Variants in GMEB1 observed in about 807,000 individuals in gnomAD.
GMEB1 encodes the protein glucocorticoid modulatory element-binding protein 1.
Under a neutral mutation model 52.4 loss-of-function variants are expected in GMEB1, and 6 were observed. The observed-to-expected ratio is 0.11, with a 90% confidence interval of 0.06 to 0.23. The LOEUF (loss-of-function observed/expected upper bound fraction) is 0.23, where lower values mean the gene tolerates loss of function less well. Ranked by LOEUF, GMEB1 falls within the 10% of genes least tolerant of loss-of-function variation. The pLI, the probability that GMEB1 is intolerant of heterozygous loss-of-function variation, is 1.00. For synonymous variants in GMEB1, 255 were observed against 244.9 expected, an observed-to-expected ratio of 1.04 and a Z score of -0.38; for missense variants, 486 against 685.6, an observed-to-expected ratio of 0.71 and a Z score of 3.25.
rs35942724 is a variant in GMEB1 at position 28,714,867 on chromosome 1, C to CT, written c.*100dup. The CT allele has an allele frequency of 5.2e-5, 41 of 795,942 alleles. No individual in the cohort carries two copies. The highest frequency in any genetic ancestry group is 1.9e-4 in the East Asian group (7 of 36,758). The allele number at this position is 795,942 out of a possible 1,614,324, so 49.3% of individuals were successfully genotyped here. A position where few individuals can be genotyped will look rare whatever the true frequency, so the allele number is the denominator to read the frequency against. ...GTCCCACTCATTTCCACATAGGACC[C>CT]TTTTTTAAAAAAAAAAAAACAAAAT... On this transcript the variant is annotated 3_prime_UTR_variant, in exon 10 of 10. Transcript: ENST00000373816.
chr1:28,672,565 A>T (rs543366237), intron 1 of GMEB1, among the ~76,000 whole-genome samples: 28 of 151,514 alleles, frequency 1.8e-4, no homozygotes, highest in Middle Eastern at 3.4e-3. Context: ...TATTATTATT[A>T]TTTTTTGTTA....
chr1:28,697,152 C>G, intron 6 of GMEB1, 68 bp downstream of exon 6: 1 of 405,858 alleles, frequency 2.5e-6, no homozygotes, highest in Non-Finnish European at 4.2e-6. Context: ...TTATTTCTCC[C>G]TTGTGTGTAC....
At chr1:28,690,324 A>T in intron 3 of GMEB1, 138 bp downstream of exon 3, 1 of 506,640 alleles carries the variant, frequency 2.0e-6, no homozygotes, top group Non-Finnish European at 3.5e-6. Flanking sequence ...CCAGTACTAC[A>T]GCCCTCGATT....
chr1:28,696,818 C>T (rs1670229175), intron 5 of GMEB1, 109 bp from the exon 6 acceptor site: 1 of 781,918 alleles, frequency 1.3e-6, no homozygotes, highest in Non-Finnish European at 2.0e-6. Flanking sequence ...TTAGGTTTCA[C>T]TAATCTACAC....
At chr1:28,693,686 C>T (rs538546878) in intron 5 of GMEB1, among the ~76,000 whole-genome samples, 6 of 152,032 alleles carry the variant, frequency 3.9e-5, no homozygotes, top group African/African-American at 9.7e-5. Context: ...CTCCTGACCT[C>T]GTGATCCACC....
At position 28,697,162 on chromosome 1, in the gene GMEB1, CAT is replaced by C. The variant is rs71586855; in HGVS notation, c.598+115_598+116del. The C allele has an allele frequency of 9.3e-3, 1,383 of 148,948 alleles. 11 individuals are homozygous for C. Among genetic ancestry groups the C allele is most frequent in the Non-Finnish European group, 0.012 (1,051 of 84,498 alleles). The allele number at this position is 148,948 out of a possible 1,614,324, so 9.2% of individuals were successfully genotyped here. ...CCCCCTTATTTCTCCCTTGTGTGTA[CAT>C]ATATATATATATATATATATATATA... On this transcript the variant is annotated intron_variant, in intron 6 of 9. Coordinates refer to ENST00000373816, the MANE Select transcript of GMEB1 (RefSeq NM_001319674.2).
At chr1:28,699,889 T>A (rs1670410772) in intron 6 of GMEB1, among the ~76,000 whole-genome samples, 1 of 149,940 alleles carries the variant, frequency 6.7e-6, no homozygotes, top group Middle Eastern at 3.6e-3. Context: ...AGCCTTGGCA[T>A]CTTGTCGAAA....
At chr1:28,710,338 C>T (rs2124585997) in intron 8 of GMEB1, among the ~76,000 whole-genome samples, 182 bp from the exon 9 acceptor site, 1 of 152,166 alleles carries the variant, frequency 6.6e-6, no homozygotes, top group African/African-American at 2.4e-5. Flanking sequence ...GAAAGATTTA[C>T]AAAAATATAA....
chr1:28,697,041 A>G lies in GMEB1; in HGVS notation c.555A>G (p.Pro185=). The G allele has an allele frequency of 1.9e-6, 3 of 1,612,748 alleles. No homozygotes were observed. The change falls in exon 6 of 10, where the codon CCA becomes CCG. Residue 185 remains proline (P), a synonymous_variant. Coordinates refer to ENST00000373816, the MANE Select transcript of GMEB1 (RefSeq NM_001319674.2). Reference sequence around the variant, plus strand: ...TCAGCAGTGCAAGAGCTCCAGTGCCAGGACAGCAGACAAGTGTGGTGCAGA... The same window carrying G: ...TCAGCAGTGCAAGAGCTCCAGTGCCGGGACAGCAGACAAGTGTGGTGCAGA... The part of the protein sequence containing the change: ...LLISSARAPV[P]GQQTSVVQTP...
At position 28,710,611 on chromosome 1, in the gene GMEB1, G is replaced by C. The variant is rs1189210041; in HGVS notation, c.960G>C (p.Gln320His). ...VLDNRRNQVE[Q>H]GEEQFLYTLT... ...ACAACAGAAGGAACCAAGTAGAGCA[G>C]GGAGAAGAACAGTTTCTCTATACTC... The change falls in exon 9 of 10, where the codon CAG (glutamine) becomes CAC (histidine). Residue 320 changes from glutamine (Q) to histidine (H), a missense_variant. Physicochemically the swap from Gln to His is conservative, Grantham distance 24. Around this residue, in one of 5 missense-constraint regions of GMEB1, gnomAD observed 200 missense variants for 253.5 expected, o/e 0.79. Coordinates refer to ENST00000373816, the MANE Select transcript of GMEB1 (RefSeq NM_001319674.2). 1 of 1,606,716 alleles carries C rather than the reference G, an allele frequency of 6.2e-7. No homozygotes were observed. Among genetic ancestry groups the C allele is most frequent in the African/African-American group, 1.3e-5 (1 of 74,652 alleles).
In GMEB1 at chr1:28,716,263, T is replaced by TA. The variant is rs750306078; in HGVS notation, c.*1491dup. ...ATGTGATGTAAATGGCTCTGGTTCT[T>TA]AGACTGTGGCTGTCACAGGGATGGG... On this transcript the variant is annotated 3_prime_UTR_variant, in exon 10 of 10. Transcript: ENST00000373816. 2.0e-5 allele frequency: 3 copies of TA among 152,178 alleles called. No individual in the cohort carries two copies. Among genetic ancestry groups the TA allele is most frequent in the Non-Finnish European group, 2.9e-5 (2 of 68,016 alleles). The allele number at this position is 152,178 out of a possible 1,614,324, so 9.4% of individuals were successfully genotyped here. A position where few individuals can be genotyped will look rare whatever the true frequency, so the allele number is the denominator to read the frequency against.
At chr1:28,670,902 A>C (rs1368702022) in intron 1 of GMEB1, among the ~76,000 whole-genome samples, 1 of 152,182 alleles carries the variant, frequency 6.6e-6, no homozygotes, top group Non-Finnish European at 1.5e-5. Flanking sequence ...TTGTATAGGT[A>C]GCTTCTACTC....
chr1:28,713,739 A>C (rs368916403), intron 9 of GMEB1, among the ~76,000 whole-genome samples: 1 of 152,268 alleles, frequency 6.6e-6, no homozygotes. Flanking sequence ...TTGTAGGTGC[A>C]TGAGAGTTCC....
chr1:28,684,857 TTTAAA>T (rs1280047523), intron 2 of GMEB1, among the ~76,000 whole-genome samples: 2 of 152,112 alleles, frequency 1.3e-5, no homozygotes, highest in African/African-American at 4.8e-5. Flanking sequence ...ATCCTAGAAC[TTTAAA>T]TAAATAAATA....
At chr1:28,703,962 G>A (rs1557517979) in intron 7 of GMEB1, among the ~76,000 whole-genome samples, 1 of 151,966 alleles carries the variant, frequency 6.6e-6, no homozygotes, top group Non-Finnish European at 1.5e-5. Flanking sequence ...TTGAGAGAAT[G>A]ACAAATTGAG....
At chr1:28,705,685 G>C (rs1570431021) in intron 8 of GMEB1, among the ~76,000 whole-genome samples, 1 of 149,890 alleles carries the variant, frequency 6.7e-6, no homozygotes, top group Non-Finnish European at 1.5e-5. Flanking sequence ...TCCTGACCTT[G>C]GGTGATCCGC....
Position 28,710,645 on chromosome 1 carries a change from A to G in GMEB1, c.991+3A>G, listed in dbSNP as rs569104061. ...ACAGTTTCTCTATACTCTGACAGGT[A>G]TGTATAAGTTATCGCTCTTCTTCGG... On this transcript the variant is annotated splice_donor_region_variant and intron_variant, in intron 9 of 9. Transcript: ENST00000373816. 6 of 1,558,226 alleles carry G rather than the reference A, an allele frequency of 3.9e-6. No homozygotes were observed. Among genetic ancestry groups the G allele is most frequent in the South Asian group, 3.7e-5 (3 of 80,164 alleles).
chr1:28,702,175 T>C (rs1670547989), intron 6 of GMEB1, among the ~76,000 whole-genome samples: 1 of 152,164 alleles, frequency 6.6e-6, no homozygotes, highest in Non-Finnish European at 1.5e-5. Flanking sequence ...AGGAAACACA[T>C]TGCTCTTTTG....
chr1:28,714,729 C>A lies in GMEB1; in HGVS notation c.1648C>A (p.Gln550Lys), dbSNP rs1671213325. ...AGTTGTGGCTGAGATGGAAGAACAC[C>A]AGCATCAAGTTCACAATGTGGAGAT... ...EKVVAEMEEH[Q>K]HQVHNVEIVV... The change falls in exon 10 of 10, where the codon CAG (glutamine) becomes AAG (lysine). Residue 550 changes from glutamine to lysine, a missense_variant. By Grantham distance (53) the Gln-to-Lys change is moderately conservative. This residue lies in a region of GMEB1 where 153 missense variants were observed against 200.8 expected (regional missense o/e 0.76). Transcript: ENST00000373816. The A allele has an allele frequency of 6.2e-7, 1 of 1,613,924 alleles. No individual in the cohort carries two copies. Among genetic ancestry groups the A allele is most frequent in the Non-Finnish European group, 8.5e-7 (1 of 1,179,884 alleles).
Sources: allele counts gnomAD v4.1 joint callset (sites outside exome capture counted in the v4.1 genomes callset), GRCh38; gene constraint gnomAD v4.1.1; regional missense constraint gnomAD v4.1.1; transcripts MANE v1.5; gene names NCBI Gene and HGNC (gene_info 2026-07-23, HGNC 2026-07-21).